The following TRIM27 variants were observed in gnomAD, a reference collection of about 807,000 sequenced individuals.
The protein encoded by TRIM27 is zinc finger protein RFP.
A neutral mutation model predicts 57.6 loss-of-function variants in TRIM27; 12 were observed. The observed-to-expected ratio is 0.21, with a 90% CI of 0.13 to 0.34. The LOEUF is 0.34. Ranked by LOEUF, TRIM27 falls within the 10% of genes least tolerant of loss-of-function variation. The pLI, the probability that TRIM27 is intolerant of heterozygous loss-of-function variation, is 1.00. For synonymous variants in TRIM27, 266 were observed against 259.0 expected, an observed-to-expected ratio of 1.03 and a Z score of -0.26; for missense variants, 403 against 656.8, an observed-to-expected ratio of 0.61 and a Z score of 4.22.
chr6:28,907,701 C>G, intron 6 of TRIM27: 1 of 423,940 alleles, frequency 2.4e-6, no homozygotes, highest in Non-Finnish European at 4.7e-6. Flanking sequence ...ATTTATAAGG[C>G]ACTTTATAGT....
chr6:28,907,637 A>T (rs1045692408), intron 6 of TRIM27: 2 of 542,110 alleles, frequency 3.7e-6, no homozygotes, highest in Admixed American at 2.3e-5. Context: ...TGTGTACAAG[A>T]GCTGAATGGC....
chr6:28,913,684 T>C (rs773849400), intron 3 of TRIM27, among the ~76,000 whole-genome samples: 10 of 151,002 alleles, frequency 6.6e-5, no homozygotes, highest in Non-Finnish European at 1.0e-4. Flanking sequence ...ATTTCTCTTA[T>C]TATAAGTACA....
chr6:28,910,640 T>G (rs977463476), intron 4 of TRIM27, among the ~76,000 whole-genome samples: 3 of 152,212 alleles, frequency 2.0e-5, no homozygotes, highest in Non-Finnish European at 4.4e-5. Flanking sequence ...TGCACATTTC[T>G]TTTATTATGT....
intron 6 of TRIM27, chr6:28,907,822 T>C (rs1772881878): frequency 2.8e-6 from 1 of 353,310 alleles, no homozygotes; most frequent in Admixed American, 3.9e-5. Context: ...TATTATCCAC[T>C]GTATTGAGTG....
intron 3 of TRIM27, among the ~76,000 whole-genome samples, chr6:28,919,365 G>A (rs1474856042): frequency 2.6e-5 from 4 of 152,090 alleles, no homozygotes; most frequent in Non-Finnish European, 4.4e-5. Context: ...CTATCTGATC[G>A]CCACACTAAA....
chr6:28,923,362 C>G lies in TRIM27; in HGVS notation c.271G>C (p.Gly91Arg). ...LRTERPSGPG[G>R]EMGVCEKHRE... The stretch of plus-strand genomic sequence containing the variant: ...TGCTTCTCGCACACGCCCATCTCGC[C>G]GCCGGGCCCCGACGGCCGCTCGGTG... Residue 91 changes from glycine (G) to arginine (R), a missense_variant, in exon 1 of 8, where the codon GGC becomes CGC. Gly to Arg is a moderately radical substitution (Grantham distance 125). Coordinates refer to ENST00000377199, the MANE Select transcript of TRIM27 (RefSeq NM_006510.5). 1 of 1,611,918 alleles carries G rather than the reference C, an allele frequency of 6.2e-7. No individual in the cohort carries two copies. Among genetic ancestry groups the G allele is most frequent in the Non-Finnish European group, 8.5e-7 (1 of 1,179,674 alleles).
Position 28,923,952 on chromosome 6 carries a change from G to C in TRIM27, c.-320C>G. 1 of 369,016 alleles carries C rather than the reference G, an allele frequency of 2.7e-6. No homozygotes were observed. The highest frequency in any genetic ancestry group is 4.8e-6 in the Non-Finnish European group (1 of 206,778). The allele number at this position is 369,016 out of a possible 1,614,324, so 22.9% of individuals were successfully genotyped here. A position where few individuals can be genotyped will look rare whatever the true frequency, so the allele number is the denominator to read the frequency against. ...AGGCGGGCAAAGCGCGCAAGACAAC[G>C]TGGCCGCGTCCGAGCGGATGCCGGC... is the stretch of plus-strand genomic sequence containing the variant. On this transcript the variant is annotated 5_prime_UTR_variant, in exon 1 of 8. Transcript: ENST00000377199.
In TRIM27 at chr6:28,911,525, G is replaced by A. The variant is rs965496160; in HGVS notation, c.770+171C>T. 12 of 663,852 alleles carry A rather than the reference G, an allele frequency of 1.8e-5. No individual in the cohort carries two copies. The Admixed American group carries it at 2.5e-4, about 14-fold the overall frequency. 41.1% of individuals were successfully genotyped at this position (663,852 alleles called of 1,614,324 possible). ...CCCCCTACTTCCTGAATTTTACTGA[G>A]TAGAGCTGTGGTTCATCTAATTCTT... On this transcript the variant is annotated intron_variant, in intron 4 of 7. Coordinates refer to ENST00000377199, the MANE Select transcript of TRIM27 (RefSeq NM_006510.5).
intron 3 of TRIM27, among the ~76,000 whole-genome samples, chr6:28,914,120 C>G (rs1206255131): frequency 1.4e-5 from 2 of 144,940 alleles, no homozygotes; most frequent in Non-Finnish European, 3.0e-5. Flanking sequence ...CTCTTGGGCT[C>G]TAGTGATCTA....
intron 3 of TRIM27, among the ~76,000 whole-genome samples, chr6:28,916,949 C>T (rs1334674780): frequency 4.6e-5 from 7 of 151,620 alleles, no homozygotes; most frequent in Non-Finnish European, 8.8e-5. Flanking sequence ...CAAGACCAGC[C>T]GAGGCAACAT....
chr6:28,920,360 C>T (rs1773930003), intron 2 of TRIM27, 118 bp from the exon 3 acceptor site: 23 of 792,844 alleles, frequency 2.9e-5, no homozygotes, highest in Non-Finnish European at 4.5e-5. Flanking sequence ...AAGCACAGTG[C>T]TAACTCATTA....
Position 28,920,740 on chromosome 6 carries a change from T to C in TRIM27, c.517-498A>G, listed in dbSNP as rs139284636. ...AGGGACCAGAAAAGGTAAGGCCTTG[T>C]CATGCCTGGCCTGGGAGGCTGGGGG... is the stretch of plus-strand genomic sequence containing the variant. On this transcript the variant is annotated intron_variant, in intron 2 of 7. Transcript: ENST00000377199. 3.6e-3 allele frequency among the ~76,000 whole-genome samples: 544 copies of C among 152,252 alleles called. 1 individual carries two copies. The highest frequency in any genetic ancestry group is 6.1e-3 in the Non-Finnish European group (416 of 68,030).
rs1397057225 is a variant in TRIM27, at chr6:28,904,705, A to T, written c.947-40T>A. On this transcript the variant is annotated intron_variant, in intron 7 of 7. Coordinates refer to ENST00000377199, the MANE Select transcript of TRIM27 (RefSeq NM_006510.5). This position sits in a 1 kb window ranked among gnomAD's most constrained non-coding sequence, Gnocchi z 6.1. ...GGAAGACAGTCAGCCGTGGGCCAGG[A>T]GAGCCTATTTTAGAACACCCAGCGC... 1 of 1,532,164 alleles carries T rather than the reference A, an allele frequency of 6.5e-7. No homozygotes were observed. The highest frequency in any genetic ancestry group is 1.4e-5 in the African/African-American group (1 of 73,112). 94.9% of individuals were successfully genotyped at this position (1,532,164 alleles called of 1,614,324 possible).
intron 5 of TRIM27, 59 bp from the exon 6 acceptor site, chr6:28,908,899 A>C: frequency 6.2e-7 from 1 of 1,606,608 alleles, no homozygotes; most frequent in Middle Eastern, 1.7e-4. Context: ...CTGGAAAATT[A>C]TCCTCTTCAT....
chr6:28,917,507 G>C (rs1333494815), intron 3 of TRIM27, among the ~76,000 whole-genome samples: 1 of 151,876 alleles, frequency 6.6e-6, no homozygotes, highest in Non-Finnish European at 1.5e-5. Context: ...GAACTTGAGA[G>C]GGGGATGTTG....
chr6:28,911,514 A>T, intron 4 of TRIM27, 182 bp downstream of exon 4: 1 of 613,122 alleles, frequency 1.6e-6, no homozygotes, highest in Non-Finnish European at 2.8e-6. Flanking sequence ...CTACTTCCTG[A>T]ATTTTACTGA....
intron 3 of TRIM27, among the ~76,000 whole-genome samples, chr6:28,914,448 T>C (rs2150477573): frequency 6.6e-6 from 1 of 152,048 alleles, no homozygotes; most frequent in South Asian, 2.1e-4. Flanking sequence ...CCCATAAAAA[T>C]AAGCACATAA....
intron 5 of TRIM27, 23 bp downstream of exon 5, chr6:28,908,950 C>T (rs374055457): frequency 2.5e-6 from 4 of 1,606,064 alleles, no homozygotes; most frequent in African/African-American, 1.3e-5. Flanking sequence ...CATTTCCCCT[C>T]ATGACACCTC....
rs1421463887 is a variant in TRIM27, at chr6:28,919,997, C to T, written c.747+15G>A. ...TTCAGTGGGTGCTGCTCTAGCAGGG[C>T]TCTGCAAGCCTTACCTGCAGGAGCT... On this transcript the variant is annotated intron_variant, in intron 3 of 7. Coordinates refer to ENST00000377199, the MANE Select transcript of TRIM27 (RefSeq NM_006510.5). 6.2e-7 allele frequency: 1 copy of T among 1,605,746 alleles called. No homozygotes were observed. The highest frequency in any genetic ancestry group is 1.3e-5 in the African/African-American group (1 of 74,922).
Sources: gnomAD v4.1 joint callset for allele counts (sites outside exome capture counted in the v4.1 genomes callset) on GRCh38, gnomAD v4.1.1 for gene constraint, Gnocchi (gnomAD v3.1) non-coding constraint, MANE v1.5 for transcripts, NCBI Gene and HGNC (gene_info 2026-07-23, HGNC 2026-07-21) for gene names.